TMEM117: variants seen among roughly 807,000 people sequenced by gnomAD.
TMEM117 encodes the protein transmembrane protein 117.
In TMEM117, 27 loss-of-function variants were observed where a neutral mutation model predicts 52.4. The ratio of observed to expected loss-of-function variants is 0.51; its 90% CI spans 0.38 to 0.71. TMEM117 has a LOEUF of 0.71. Ranked by LOEUF, TMEM117 falls within the 30% of genes least tolerant of loss-of-function variation. The pLI, the probability that TMEM117 is intolerant of heterozygous loss-of-function variation, is 0.00. For missense variants in TMEM117, 556 were observed against 630.5 expected, an observed-to-expected ratio of 0.88 and a Z score of 1.26; for synonymous variants, 215 against 206.3, an observed-to-expected ratio of 1.04 and a Z score of -0.36.
intron 3 of TMEM117, among the ~76,000 whole-genome samples, chr12:43,975,551 G>A (rs1457541498): frequency 6.6e-6 from 1 of 152,156 alleles, no homozygotes; most frequent in Non-Finnish European, 1.5e-5. Context: ...GTCAGGCAGA[G>A]TCAGAATTCA....
At chr12:44,173,082 T>C (rs1949070835) in intron 4 of TMEM117, among the ~76,000 whole-genome samples, 1 of 152,096 alleles carries the variant, frequency 6.6e-6, no homozygotes, top group South Asian at 2.1e-4. Context: ...TTTTGTTTTG[T>C]TTTTTGTTTT....
chr12:44,169,007 T>C (rs1949008174), intron 4 of TMEM117, among the ~76,000 whole-genome samples: 1 of 152,252 alleles, frequency 6.6e-6, no homozygotes, highest in Non-Finnish European at 1.5e-5. Flanking sequence ...TCTTCAGGTT[T>C]CATCCATGTT....
intron 2 of TMEM117, among the ~76,000 whole-genome samples, chr12:43,856,938 T>C (rs1565721139): frequency 6.6e-6 from 1 of 152,220 alleles, no homozygotes; most frequent in Non-Finnish European, 1.5e-5. Flanking sequence ...GAGGGAGATT[T>C]GGTGTGTTGG....
chr12:44,200,787 A>G (rs1417885250), intron 4 of TMEM117, among the ~76,000 whole-genome samples: 2 of 152,162 alleles, frequency 1.3e-5, no homozygotes, highest in African/African-American at 4.8e-5. Context: ...GGTAAAGGAC[A>G]GTTCTTCAAC....
chr12:43,999,716 T>A (rs1360289684), intron 3 of TMEM117, among the ~76,000 whole-genome samples: 1 of 152,144 alleles, frequency 6.6e-6, no homozygotes. Context: ...TGTGTCAAAC[T>A]CCTGAGCTCA....
At chr12:44,241,086 A>G (rs528931538) in intron 5 of TMEM117, among the ~76,000 whole-genome samples, 1 of 152,162 alleles carries the variant, frequency 6.6e-6, no homozygotes, top group South Asian at 2.1e-4. Context: ...ATTTGCATAT[A>G]ACCCATGCAC....
At chr12:44,370,770 G>T (rs1390605674) in intron 6 of TMEM117, among the ~76,000 whole-genome samples, 1 of 151,978 alleles carries the variant, frequency 6.6e-6, no homozygotes, top group Non-Finnish European at 1.5e-5. Context: ...CGCCCGCCTT[G>T]GCCTCCCAAA....
At chr12:43,984,887 ATG>A (rs1163189765) in intron 3 of TMEM117, among the ~76,000 whole-genome samples, 1 of 152,202 alleles carries the variant, frequency 6.6e-6, no homozygotes, top group African/African-American at 2.4e-5. Flanking sequence ...ATGCCATTAA[ATG>A]TTGAAGGAGA....
intron 6 of TMEM117, among the ~76,000 whole-genome samples, chr12:44,361,712 G>A (rs189424939): frequency 2.6e-5 from 4 of 152,226 alleles, no homozygotes; most frequent in Admixed American, 6.5e-5. Flanking sequence ...AACACCACAC[G>A]GTAGTCTGTT....
chr12:44,058,041 C>T (rs1947084375), intron 3 of TMEM117, among the ~76,000 whole-genome samples: 2 of 152,010 alleles, frequency 1.3e-5, no homozygotes. Context: ...TTTTAAATTC[C>T]AGCTATGTTA....
upstream of TMEM117, among the ~76,000 whole-genome samples, chr12:43,834,157 C>A (rs558714695): frequency 6.6e-6 from 1 of 152,246 alleles, no homozygotes; most frequent in African/African-American, 2.4e-5. Flanking sequence ...ATTTGTGAAG[C>A]TTTACTATTT....
At chr12:44,166,436 G>T (rs1381236235) in intron 4 of TMEM117, among the ~76,000 whole-genome samples, 2 of 152,118 alleles carry the variant, frequency 1.3e-5, no homozygotes, top group Admixed American at 6.5e-5. Context: ...TTTTGTGAAA[G>T]AAATGAAGTT....
At chr12:44,163,968 CT>C (rs939999289) in intron 4 of TMEM117, among the ~76,000 whole-genome samples, 3 of 151,958 alleles carry the variant, frequency 2.0e-5, no homozygotes, top group African/African-American at 7.3e-5. Context: ...TTTTTTCTCC[CT>C]TCCCAGATGA....
intron 3 of TMEM117, among the ~76,000 whole-genome samples, chr12:43,954,106 A>G (rs1945268184): frequency 6.6e-6 from 1 of 152,192 alleles, no homozygotes; most frequent in Non-Finnish European, 1.5e-5. Flanking sequence ...TTGAAACCAA[A>G]AAGAGCAAAG....
intron 3 of TMEM117, among the ~76,000 whole-genome samples, chr12:43,951,658 C>T (rs961390363): frequency 3.9e-5 from 6 of 152,172 alleles, no homozygotes; most frequent in African/African-American, 1.4e-4. Context: ...GGACAGAGCA[C>T]CTGTGGGGAG....
intron 4 of TMEM117, among the ~76,000 whole-genome samples, chr12:44,208,911 A>G (rs929271316): frequency 2.6e-5 from 4 of 152,068 alleles, no homozygotes; most frequent in Non-Finnish European, 4.4e-5. Context: ...TGAAAATTGA[A>G]TAAAACCCAC....
At position 44,362,554 on chromosome 12, in the gene TMEM117, T is replaced by C. The variant is rs183107736; in HGVS notation, c.769-14041T>C. On this transcript the variant is annotated intron_variant, in intron 6 of 7. Coordinates refer to ENST00000266534, the MANE Select transcript of TMEM117 (RefSeq NM_032256.3). ...CAAATATTTAGCAAATAAAAGGTGATGGCACAAATAAAAGACAAAATAATT... is the reference window on the plus strand; with the variant it reads ...CAAATATTTAGCAAATAAAAGGTGACGGCACAAATAAAAGACAAAATAATT... Among the ~76,000 whole-genome samples the C allele has an allele frequency of 2.5e-3, 379 of 151,170 alleles. 1 individual carries two copies. Among genetic ancestry groups the C allele is most frequent in the South Asian group, 4.2e-3 (20 of 4,772 alleles).
Position 44,099,105 on chromosome 12 carries a change from G to A in TMEM117, c.411-44420G>A, listed in dbSNP as rs145612197. Among the ~76,000 whole-genome samples, 1,293 of 151,164 alleles carry A rather than the reference G, an allele frequency of 8.6e-3. 13 individuals are homozygous for A. Among genetic ancestry groups the A allele is most frequent in the African/African-American group, 0.03 (1,229 of 40,824 alleles). ...TTGATTACTGGCAAAGCCAACCTCA[G>A]GCTATCTTTATTTTTTTTTTAAAGT... On this transcript the variant is annotated intron_variant, in intron 3 of 7. Transcript: ENST00000266534.
chr12:43,965,893 C>T (rs1945477547), intron 3 of TMEM117, among the ~76,000 whole-genome samples: 1 of 152,124 alleles, frequency 6.6e-6, no homozygotes, highest in South Asian at 2.1e-4. Context: ...TTAACCCTAG[C>T]CCCACTCCAT....
Sources: gnomAD v4.1 joint callset for allele counts (sites outside exome capture counted in the v4.1 genomes callset) on GRCh38, gnomAD v4.1.1 for gene constraint, MANE v1.5 for transcripts, NCBI Gene and HGNC (gene_info 2026-07-23, HGNC 2026-07-21) for gene names.